Variants in SCRG1 observed in about 807,000 individuals in gnomAD.
The protein encoded by SCRG1 is scrapie-responsive protein 1.
A neutral mutation model predicts 7.7 loss-of-function variants in SCRG1; 3 were observed. That is an observed-to-expected ratio of 0.39 (90% CI 0.18 to 1.01). The LOEUF (loss-of-function observed/expected upper bound fraction) is 1.01, where lower values mean the gene tolerates loss of function less well. Ranked by LOEUF, SCRG1 falls within the 50% of genes least tolerant of loss-of-function variation. SCRG1 has a pLI of 0.36. For synonymous variants in SCRG1, 46 were observed against 41.2 expected (o/e 1.12, Z -0.44); for missense variants, 110 against 117.2 (o/e 0.94, Z 0.28).
the SCRG1 span, among the ~76,000 whole-genome samples, chr4:173,476,043 C>A: frequency 6.6e-6 from 1 of 151,768 alleles, no homozygotes; most frequent in Non-Finnish European, 1.5e-5. Flanking sequence ...GTACTTAATG[C>A]CATGAACTAT....
the SCRG1 span, among the ~76,000 whole-genome samples, chr4:173,476,363 A>AAAAAAAAAAT: frequency 2.0e-5 from 2 of 98,502 alleles, no homozygotes; most frequent in Non-Finnish European, 4.6e-5. Flanking sequence ...GGAAAAAAAA[A>AAAAAAAAAAT]ATATATATAT....
the SCRG1 span, among the ~76,000 whole-genome samples, chr4:173,453,517 T>G: frequency 1.3e-5 from 2 of 152,198 alleles, no homozygotes; most frequent in African/African-American, 4.8e-5. Context: ...GTATAGCCTA[T>G]TGCTCCTAGG....
the SCRG1 span, among the ~76,000 whole-genome samples, chr4:173,496,000 G>A: frequency 2.0e-5 from 3 of 152,200 alleles, no homozygotes; most frequent in Non-Finnish European, 2.9e-5. Context: ...AGGGAAGTGT[G>A]ACCCAGGCAG....
At chr4:173,488,666 C>A in the SCRG1 span, among the ~76,000 whole-genome samples, 3 of 152,060 alleles carry the variant, frequency 2.0e-5, no homozygotes, top group African/African-American at 7.2e-5. Flanking sequence ...TCAAGCAGGC[C>A]CTTTTGGGAT....
At chr4:173,388,465 A>G in intron 2 of SCRG1, 70 bp from the exon 3 acceptor site, 1 of 1,029,936 alleles carries the variant, frequency 9.7e-7, no homozygotes. Context: ...TTCTAGGTTA[A>G]AAATAGACAG....
the SCRG1 span, among the ~76,000 whole-genome samples, chr4:173,441,579 C>T: frequency 6.6e-6 from 1 of 152,196 alleles, no homozygotes; most frequent in Admixed American, 6.5e-5. Flanking sequence ...GTATTAGGAT[C>T]AGAACTAACT....
At chr4:173,443,189 T>C in the SCRG1 span, among the ~76,000 whole-genome samples, 1 of 152,106 alleles carries the variant, frequency 6.6e-6, no homozygotes, top group Non-Finnish European at 1.5e-5. Flanking sequence ...TCAGATCTTA[T>C]GAGATCCATG....
At chr4:173,517,538 T>C in the SCRG1 span, among the ~76,000 whole-genome samples, 1 of 152,154 alleles carries the variant, frequency 6.6e-6, no homozygotes, top group Non-Finnish European at 1.5e-5. Context: ...CACAATCAGA[T>C]GGTGTCCCAG....
chr4:173,409,675 G>A (rs1251662205), upstream of SCRG1, among the ~76,000 whole-genome samples: 5 of 143,696 alleles, frequency 3.5e-5, no homozygotes, highest in African/African-American at 1.0e-4. Flanking sequence ...TGCAACCTCT[G>A]CCTCCCAGGC....
chr4:173,480,412 G>A, the SCRG1 span, among the ~76,000 whole-genome samples: 2 of 151,592 alleles, frequency 1.3e-5, no homozygotes, highest in Non-Finnish European at 2.9e-5. Context: ...TCAATAGCAT[G>A]AGAAAAGGGG....
At chr4:173,475,606 T>G in the SCRG1 span, among the ~76,000 whole-genome samples, 2 of 152,138 alleles carry the variant, frequency 1.3e-5, no homozygotes, top group African/African-American at 4.8e-5. Flanking sequence ...TCCAAAAGGA[T>G]TAAAAGCAGA....
chr4:173,411,349 C>A (rs1453333731), upstream of SCRG1, among the ~76,000 whole-genome samples: 2 of 152,218 alleles, frequency 1.3e-5, no homozygotes, highest in Admixed American at 1.3e-4. Context: ...TGACTTGGAA[C>A]TACTAACTAG....
the SCRG1 span, among the ~76,000 whole-genome samples, chr4:173,484,128 T>TAATATATAGTATAC: frequency 2.5e-5 from 2 of 80,402 alleles, no homozygotes; most frequent in East Asian, 7.5e-4. Flanking sequence ...ATACAATATA[T>TAATATATAGTATAC]AATATATAAT....
chr4:173,403,839 C>A (rs988462549), upstream of SCRG1, among the ~76,000 whole-genome samples: 1 of 152,158 alleles, frequency 6.6e-6, no homozygotes, highest in Admixed American at 6.5e-5. Flanking sequence ...TACTCACTTA[C>A]CAAACCTAGA....
chr4:173,460,439 A>G, the SCRG1 span, among the ~76,000 whole-genome samples: 3 of 152,188 alleles, frequency 2.0e-5, no homozygotes, highest in Non-Finnish European at 4.4e-5. Context: ...AGAGGGAAGA[A>G]TGAGGAAGAC....
chr4:173,400,179 C>T (rs1008167056), upstream of SCRG1, among the ~76,000 whole-genome samples: 3 of 152,172 alleles, frequency 2.0e-5, no homozygotes, highest in Middle Eastern at 3.2e-3. Flanking sequence ...ACAGAAAATA[C>T]CGGCTTTTGC....
chr4:173,485,058 T>TATA, the SCRG1 span, among the ~76,000 whole-genome samples: 13 of 9,012 alleles, frequency 1.4e-3, 1 homozygote, highest in Non-Finnish European at 2.5e-3. Flanking sequence ...TAATATATTA[T>TATA]ATATTATATA....
the SCRG1 span, among the ~76,000 whole-genome samples, chr4:173,473,226 C>A: frequency 6.6e-6 from 1 of 152,280 alleles, no homozygotes; most frequent in Non-Finnish European, 1.5e-5. Context: ...GAAAATAAAC[C>A]TGGTTTCTGC....
chr4:173,424,648 G>A, the SCRG1 span, among the ~76,000 whole-genome samples: 1 of 152,108 alleles, frequency 6.6e-6, no homozygotes, highest in Admixed American at 6.6e-5. Flanking sequence ...GGTGGCTCAC[G>A]CTTGTATCCC....
Sources: allele counts gnomAD v4.1 joint callset (sites outside exome capture counted in the v4.1 genomes callset), GRCh38; gene constraint gnomAD v4.1.1; transcripts MANE v1.5; gene names NCBI Gene and HGNC (gene_info 2026-07-23, HGNC 2026-07-21).